Variants in FOXP2 observed in about 807,000 individuals in gnomAD.
FOXP2 encodes the protein forkhead box protein P2.
Under a neutral mutation model 115.8 loss-of-function variants are expected in FOXP2, and 12 were observed. The observed-to-expected ratio is 0.10, with a 90% CI of 0.07 to 0.17. FOXP2 has a LOEUF of 0.17. Among genes scored for constraint, FOXP2 ranks in the 10% least tolerant of loss-of-function variants. The pLI, the probability that FOXP2 is intolerant of heterozygous loss-of-function variation, is 1.00. For synonymous variants in FOXP2, 328 were observed against 297.7 expected (o/e 1.10, Z -1.05); for missense variants, 629 against 843.5 (o/e 0.75, Z 3.15).
At chr7:114,514,267 A>C (rs909298666) in intron 2 of FOXP2, among the ~76,000 whole-genome samples, 2 of 152,048 alleles carry the variant, frequency 1.3e-5, no homozygotes, top group African/African-American at 4.8e-5. Context: ...TTATGATGAG[A>C]ATATGTTAAA....
At chr7:114,552,950 G>C (rs1167170461) in intron 3 of FOXP2, among the ~76,000 whole-genome samples, 4 of 151,838 alleles carry the variant, frequency 2.6e-5, no homozygotes, top group African/African-American at 7.3e-5. Context: ...GTCTGTTCTT[G>C]GTAAGAGATT....
chr7:114,540,237 C>A (rs11762406), intron 3 of FOXP2, among the ~76,000 whole-genome samples: 9,672 of 151,882 alleles, frequency 0.064, 417 homozygotes, highest in Middle Eastern at 0.15. Context: ...AGGCTCCCAC[C>A]ACATATACAC....
At chr7:114,613,718 A>T (rs1247645332) in intron 3 of FOXP2, 4 of 150,874 alleles carry the variant, frequency 2.7e-5, no homozygotes, top group Non-Finnish European at 5.9e-5. Flanking sequence ...GCTCTTATAT[A>T]TCAATGCTTA....
chr7:114,642,779 A>AAT lies in FOXP2; in HGVS notation c.989+189_989+190dup, dbSNP rs869055954. ...AGATTATTTATCTTATTTTATATAT[A>AAT]ATATATATATATATATATATATATA... On this transcript the variant is annotated intron_variant, in intron 7 of 16. Coordinates refer to ENST00000350908, the MANE Select transcript of FOXP2 (RefSeq NM_014491.4). Among the ~76,000 whole-genome samples, 186 of 91,172 alleles carry AAT rather than the reference A, an allele frequency of 2.0e-3. 3 individuals carry two copies. Among genetic ancestry groups the AAT allele is most frequent in the East Asian group, 0.011 (17 of 1,526 alleles). 59.8% of individuals were successfully genotyped at this position (91,172 alleles called of 152,430 possible).
chr7:114,617,622 C>T (rs1205269421), intron 3 of FOXP2, among the ~76,000 whole-genome samples: 2 of 152,010 alleles, frequency 1.3e-5, no homozygotes, highest in Non-Finnish European at 2.9e-5. Context: ...GGTGAAACCC[C>T]GTCTCTACAA....
Position 114,375,793 on chromosome 7 carries a change from G to C in FOXP2, c.-10-50709G>C, listed in dbSNP as rs1792124543. Among the ~76,000 whole-genome samples the C allele has an allele frequency of 2.0e-5, 3 of 152,150 alleles. No homozygotes were observed. In the South Asian group the frequency reaches 6.2e-4, roughly 32 times the overall value. On this transcript the variant is annotated intron_variant, in intron 2 of 17. Coordinates refer to the FOXP2 transcript ENST00000634411. Reference sequence around the variant, plus strand: ...TTGACCGGGCTGCTGGCTTCCAGGAGAGTGAAAACAGACTGGAAAATCTGG... The same window carrying C: ...TTGACCGGGCTGCTGGCTTCCAGGACAGTGAAAACAGACTGGAAAATCTGG...
At chr7:114,687,041 G>A (rs1808404189) in intron 16 of FOXP2, among the ~76,000 whole-genome samples, 2 of 152,208 alleles carry the variant, frequency 1.3e-5, no homozygotes, top group African/African-American at 4.8e-5. Flanking sequence ...TTGTATACTT[G>A]TTGCTGAATA....
intron 3 of FOXP2, among the ~76,000 whole-genome samples, chr7:114,615,633 T>C (rs143733538): frequency 6.6e-6 from 1 of 152,338 alleles, no homozygotes; most frequent in Non-Finnish European, 1.5e-5. Context: ...ACAGTGTTTC[T>C]CTGGTGTCAG....
At chr7:114,588,554 T>C (rs993322142) in intron 3 of FOXP2, among the ~76,000 whole-genome samples, 2 of 152,180 alleles carry the variant, frequency 1.3e-5, no homozygotes, top group Non-Finnish European at 2.9e-5. Context: ...TGATACTGCT[T>C]TTTGTGGTCG....
chr7:114,453,651 C>T (rs2129220285), intron 2 of FOXP2, among the ~76,000 whole-genome samples: 1 of 152,172 alleles, frequency 6.6e-6, no homozygotes, highest in Non-Finnish European at 1.5e-5. Flanking sequence ...CTTGTCCTTG[C>T]TTTCTTTGGC....
At chr7:114,214,810 A>C (rs967402704) in intron 1 of FOXP2, among the ~76,000 whole-genome samples, 3 of 152,180 alleles carry the variant, frequency 2.0e-5, no homozygotes, top group Admixed American at 2.0e-4. Context: ...TTAGTTTCCT[A>C]GGGAGCAAAA....
chr7:114,477,690 A>G (rs1050588111), intron 2 of FOXP2, among the ~76,000 whole-genome samples: 1 of 151,916 alleles, frequency 6.6e-6, no homozygotes. Context: ...ACTGATACAT[A>G]TATATATGAA....
chr7:114,481,548 C>A (rs1293019247), intron 2 of FOXP2, among the ~76,000 whole-genome samples: 1 of 151,232 alleles, frequency 6.6e-6, no homozygotes, highest in Non-Finnish European at 1.5e-5. Context: ...TCAGAACAAC[C>A]AATGTGTTCC....
intron 2 of FOXP2, among the ~76,000 whole-genome samples, chr7:114,469,482 C>G (rs1795950958): frequency 6.6e-6 from 1 of 152,058 alleles, no homozygotes; most frequent in Admixed American, 6.6e-5. Context: ...TAAGTTTTTA[C>G]AAAGATATCT....
chr7:114,131,396 C>G (rs569402670), intron 1 of FOXP2, among the ~76,000 whole-genome samples: 1 of 152,204 alleles, frequency 6.6e-6, no homozygotes, highest in South Asian at 2.1e-4. Flanking sequence ...CCTCATGCCC[C>G]CTTATGCCCA....
chr7:114,415,149 C>T lies in FOXP2; in HGVS notation c.-222C>T, dbSNP rs761418050. 7.5e-5 allele frequency: 34 copies of T among 454,134 alleles called. No homozygotes were observed. Among genetic ancestry groups the T allele is most frequent in the Admixed American group, 4.7e-4 (20 of 42,508 alleles). 28.1% of individuals were successfully genotyped at this position (454,134 alleles called of 1,614,324 possible). ...AGCACAAAATGCCATCAGTCTGGGACGTGATCGGGCAGAGGTGTACTCACA... is the reference window on the plus strand; with the variant it reads ...AGCACAAAATGCCATCAGTCTGGGATGTGATCGGGCAGAGGTGTACTCACA... On this transcript the variant is annotated 5_prime_UTR_variant, in exon 1 of 17. In the 5' UTR this introduces an upstream ATG that the reference lacks. Transcript: ENST00000350908.
chr7:114,407,159 G>A (rs562405823), intron 2 of FOXP2, among the ~76,000 whole-genome samples: 5 of 152,050 alleles, frequency 3.3e-5, no homozygotes, highest in African/African-American at 7.2e-5. Flanking sequence ...CTGTCTAAAC[G>A]TGTGAAAAGT....
intron 3 of FOXP2, among the ~76,000 whole-genome samples, chr7:114,576,265 T>A (rs1801569938): frequency 6.6e-6 from 1 of 151,930 alleles, no homozygotes; most frequent in South Asian, 2.1e-4. Flanking sequence ...TTAATCTTTT[T>A]TTCTACTGTA....
chr7:114,384,700 C>T (rs1380269329), intron 2 of FOXP2, among the ~76,000 whole-genome samples: 1 of 151,864 alleles, frequency 6.6e-6, no homozygotes, highest in African/African-American at 2.4e-5. Context: ...ACATAGTAGC[C>T]CCATACTTTA....
Sources: allele counts gnomAD v4.1 joint callset (sites outside exome capture counted in the v4.1 genomes callset), GRCh38; gene constraint gnomAD v4.1.1; transcripts MANE v1.5; gene names NCBI Gene and HGNC (gene_info 2026-07-23, HGNC 2026-07-21).